The following NRXN1 variants were observed in gnomAD, a reference collection of about 807,000 sequenced individuals.
NRXN1 encodes the protein neurexin-1.
Under a neutral mutation model 150.9 loss-of-function variants are expected in NRXN1, and 39 were observed. The ratio of observed to expected loss-of-function variants is 0.26; its 90% CI spans 0.20 to 0.34. The LOEUF (loss-of-function observed/expected upper bound fraction) is 0.34. NRXN1 is among the 10% of genes least tolerant of loss of function. The pLI, the probability that NRXN1 is intolerant of heterozygous loss-of-function variation, is 1.00. For synonymous variants in NRXN1, 924 were observed against 757.0 expected, an observed-to-expected ratio of 1.22 and a Z score of -3.62; for missense variants, 1,815 against 1,949.9, an observed-to-expected ratio of 0.93 and a Z score of 1.30.
At chr2:50,838,511 G>T (rs1672409504) in intron 5 of NRXN1, among the ~76,000 whole-genome samples, 1 of 152,108 alleles carries the variant, frequency 6.6e-6, no homozygotes. Flanking sequence ...CAGAACTTCA[G>T]AATGTGACCT....
rs1324402629 is a variant in NRXN1, at chr2:49,921,795, T to C, written c.*149A>G. On this transcript the variant is annotated 3_prime_UTR_variant, in exon 23 of 23. Transcript: ENST00000401669. ...AGAAACAAGAGCATGAGATACTTGT[T>C]TTTATTTTTTAAAAAGTCTTTCCTT... The C allele has an allele frequency of 7.2e-6, 6 of 833,744 alleles. No individual in the cohort carries two copies. Among genetic ancestry groups the C allele is most frequent in the Non-Finnish European group, 9.0e-6 (5 of 552,568 alleles). 51.6% of individuals were successfully genotyped at this position (833,744 alleles called of 1,614,324 possible).
rs2104000133 is a variant in NRXN1 at position 49,922,254 on chromosome 2, A to G, written c.4217-3T>C. Reference sequence around the variant, plus strand: ...GCCGCCTGCTCGGGTTGGGTTGGCTATAGAAAAGAGGATGAGAACAAACAC... The same window carrying G: ...GCCGCCTGCTCGGGTTGGGTTGGCTGTAGAAAAGAGGATGAGAACAAACAC... On this transcript the variant is annotated splice_polypyrimidine_tract_variant and splice_region_variant and intron_variant, in intron 22 of 22. Transcript: ENST00000401669. 1 of 1,612,274 alleles carries G rather than the reference A, an allele frequency of 6.2e-7. No individual in the cohort carries two copies. The highest frequency in any genetic ancestry group is 8.5e-7 in the Non-Finnish European group (1 of 1,178,948).
intron 2 of NRXN1, among the ~76,000 whole-genome samples, chr2:50,929,776 T>C (rs946449724): frequency 1.3e-5 from 2 of 152,232 alleles, no homozygotes; most frequent in East Asian, 3.9e-4. Flanking sequence ...GGAGATCAAA[T>C]GCCAGTACAG....
intron 17 of NRXN1, among the ~76,000 whole-genome samples, chr2:50,252,124 A>T (rs2067154729): frequency 6.7e-6 from 1 of 148,342 alleles, no homozygotes; most frequent in South Asian, 2.1e-4. Flanking sequence ...TATGTCCTGA[A>T]TGGTATTGCT....
chr2:50,991,097 C>T (rs1698479095), intron 2 of NRXN1, among the ~76,000 whole-genome samples: 1 of 152,018 alleles, frequency 6.6e-6, no homozygotes, highest in African/African-American at 2.4e-5. Context: ...ATGAGACAGA[C>T]TTAGCTTTTT....
intron 5 of NRXN1, among the ~76,000 whole-genome samples, chr2:50,795,132 C>CTG (rs1369241720): frequency 6.6e-6 from 1 of 152,044 alleles, no homozygotes; most frequent in Non-Finnish European, 1.5e-5. Context: ...CATCTGGGAC[C>CTG]TGTAGTCTTT....
At chr2:50,959,024 T>G (rs1399823247) in intron 2 of NRXN1, among the ~76,000 whole-genome samples, 1 of 152,136 alleles carries the variant, frequency 6.6e-6, no homozygotes, top group Non-Finnish European at 1.5e-5. Flanking sequence ...GTGTCTACAT[T>G]CATGAGATAT....
intron 2 of NRXN1, among the ~76,000 whole-genome samples, chr2:50,966,680 C>G (rs1694154234): frequency 1.3e-5 from 2 of 151,778 alleles, no homozygotes; most frequent in African/African-American, 4.8e-5. Context: ...ATTTGCTAAA[C>G]ATCAATTAAC....
At chr2:50,947,926 A>T (rs538842982) in intron 2 of NRXN1, among the ~76,000 whole-genome samples, 1 of 152,012 alleles carries the variant, frequency 6.6e-6, no homozygotes, top group Non-Finnish European at 1.5e-5. Flanking sequence ...TATTGGTTTC[A>T]TTTATTCAGA....
intron 17 of NRXN1, among the ~76,000 whole-genome samples, chr2:50,410,140 A>G (rs1442875254): frequency 3.3e-5 from 5 of 152,052 alleles, no homozygotes; most frequent in African/African-American, 7.2e-5. Context: ...AAACTCGACA[A>G]TCCTATTCTC....
At chr2:50,809,722 T>C (rs1000703560) in intron 5 of NRXN1, among the ~76,000 whole-genome samples, 5 of 152,140 alleles carry the variant, frequency 3.3e-5, no homozygotes, top group African/African-American at 4.8e-5. Context: ...CAGTTTATTG[T>C]GATAAACACA....
At chr2:50,213,401 G>A (rs867025135) in intron 18 of NRXN1, among the ~76,000 whole-genome samples, 2 of 151,836 alleles carry the variant, frequency 1.3e-5, no homozygotes, top group Admixed American at 1.3e-4. Flanking sequence ...AGAAAAAATT[G>A]GGATGAATAT....
At chr2:50,533,183 T>C (rs2093163801) in intron 10 of NRXN1, among the ~76,000 whole-genome samples, 1 of 152,086 alleles carries the variant, frequency 6.6e-6, no homozygotes, top group South Asian at 2.1e-4. Context: ...TTAGCTCCCT[T>C]CTCTTTTCCA....
At chr2:50,790,588 T>A (rs1224074849) in intron 5 of NRXN1, among the ~76,000 whole-genome samples, 1 of 152,310 alleles carries the variant, frequency 6.6e-6, no homozygotes, top group East Asian at 1.9e-4. Flanking sequence ...GAGATTACTA[T>A]ATTATCCTCT....
At chr2:49,949,329 C>A (rs1673514284) in intron 21 of NRXN1, among the ~76,000 whole-genome samples, 1 of 151,836 alleles carries the variant, frequency 6.6e-6, no homozygotes, top group African/African-American at 2.4e-5. Context: ...GTGGAATTTT[C>A]TGTATATGCA....
intron 17 of NRXN1, among the ~76,000 whole-genome samples, chr2:50,348,084 A>T (rs1212254327): frequency 6.6e-6 from 1 of 152,212 alleles, no homozygotes; most frequent in Non-Finnish European, 1.5e-5. Flanking sequence ...AGATCTTAAA[A>T]GGGAGAGAAT....
chr2:50,731,409 C>T (rs1486888950), intron 5 of NRXN1, among the ~76,000 whole-genome samples: 1 of 152,140 alleles, frequency 6.6e-6, no homozygotes, highest in Non-Finnish European at 1.5e-5. Flanking sequence ...ATATTCACTA[C>T]CACATACCAG....
intron 17 of NRXN1, among the ~76,000 whole-genome samples, chr2:50,388,150 TG>T (rs1241047219): frequency 6.6e-6 from 1 of 152,122 alleles, no homozygotes; most frequent in African/African-American, 2.4e-5. Flanking sequence ...AACTACATTT[TG>T]GGCAATCTGG....
chr2:50,507,656 AG>A (rs1319796083), intron 12 of NRXN1, among the ~76,000 whole-genome samples: 47 of 141,192 alleles, frequency 3.3e-4, no homozygotes, highest in African/African-American at 1.1e-3. Flanking sequence ...AAAAAAAAAA[AG>A]CAAGGGAAAA....
Sources: gnomAD v4.1 joint callset for allele counts (sites outside exome capture counted in the v4.1 genomes callset) on GRCh38, gnomAD v4.1.1 for gene constraint, MANE v1.5 for transcripts, NCBI Gene and HGNC (gene_info 2026-07-23, HGNC 2026-07-21) for gene names.